Variants in FANCL observed in about 807,000 individuals in gnomAD.
The protein encoded by FANCL is FA complementation group L, also known as E3 ubiquitin-protein ligase FANCL.
In FANCL, 69 loss-of-function variants were observed where a neutral mutation model predicts 59.4. The observed-to-expected ratio is 1.16, with a 90% CI of 0.96 to 1.42. The LOEUF is 1.42. Ranked by LOEUF, FANCL falls within the 40% of genes most tolerant of loss-of-function variation. The pLI is 0.00. For missense variants in FANCL, 519 were observed against 447.2 expected, an observed-to-expected ratio of 1.16 and a Z score of -1.45; for synonymous variants, 180 against 147.1, an observed-to-expected ratio of 1.22 and a Z score of -1.62.
chr2:58,202,464 T>G (rs1690138662), intron 6 of FANCL, among the ~76,000 whole-genome samples: 1 of 151,658 alleles, frequency 6.6e-6, no homozygotes, highest in South Asian at 2.1e-4. Context: ...AAATAAAGAT[T>G]CTAATAAATC....
Position 58,241,271 on chromosome 2 carries a change from G to A in FANCL, c.43C>T (p.Leu15Phe), listed in dbSNP as rs2104082225. Residue 15 changes from leucine to phenylalanine, a missense_variant, in exon 1 of 14, where the codon CTT (leucine) becomes TTT (phenylalanine). Transcript: ENST00000233741. ...EASLLRQCPL[L>F]LPQNRSKTVY... is the part of the protein sequence containing the mutation. The stretch of plus-strand genomic sequence containing the variant: ...GTTTTCGACCGGTTCTGGGGCAGAA[G>A]CAGGGGGCACTGGCGCAACAGGCTC... The A allele has an allele frequency of 6.2e-7, 1 of 1,614,270 alleles. No individual in the cohort carries two copies. The highest frequency in any genetic ancestry group is 8.5e-7 in the Non-Finnish European group (1 of 1,180,048).
At chr2:58,230,551 C>G in intron 2 of FANCL, among the ~76,000 whole-genome samples, 1 of 152,090 alleles carries the variant, frequency 6.6e-6, no homozygotes, top group Admixed American at 6.6e-5. Flanking sequence ...TGTTGTGCTC[C>G]CGATACTATT....
chr2:58,239,985 T>C (rs1163190714), intron 1 of FANCL, among the ~76,000 whole-genome samples: 3 of 152,142 alleles, frequency 2.0e-5, no homozygotes, highest in African/African-American at 4.8e-5. Context: ...GCTATAGCAA[T>C]GGTCATAAAA....
rs60102555 is a variant in FANCL, at chr2:58,166,830, T to G, written c.541-956A>C. Among the ~76,000 whole-genome samples the G allele has an allele frequency of 3.1e-3, 467 of 152,334 alleles. 4 individuals are homozygous for G. The highest frequency in any genetic ancestry group is 0.011 in the African/African-American group (457 of 41,584). ...ATACTTAAGGAAAACCCATCCCATT[T>G]TGTCACTTCAGTCAAGGTTTACACT... On this transcript the variant is annotated intron_variant, in intron 7 of 13. Transcript: ENST00000233741.
At chr2:58,179,621 C>T (rs1483901359) in intron 7 of FANCL, among the ~76,000 whole-genome samples, 1 of 152,106 alleles carries the variant, frequency 6.6e-6, no homozygotes, top group Non-Finnish European at 1.5e-5. Context: ...AGACCTAAAA[C>T]CATAAAAACC....
chr2:58,199,578 AT>A (rs1024823644), intron 6 of FANCL, among the ~76,000 whole-genome samples: 1 of 152,160 alleles, frequency 6.6e-6, no homozygotes, highest in Non-Finnish European at 1.5e-5. Context: ...ATACAAAATT[AT>A]TTCTTCAACT....
intron 5 of FANCL, among the ~76,000 whole-genome samples, chr2:58,219,370 AAAAC>A (rs1692247897): frequency 6.6e-6 from 1 of 151,234 alleles, no homozygotes; most frequent in African/African-American, 2.4e-5. Flanking sequence ...AATGACTGAA[AAAAC>A]AAATAAATGA....
At chr2:58,172,252 T>G (rs561665886) in intron 7 of FANCL, among the ~76,000 whole-genome samples, 5 of 152,322 alleles carry the variant, frequency 3.3e-5, no homozygotes, top group African/African-American at 1.2e-4. Context: ...GAGCAGTGGT[T>G]CTCTCAGCAC....
At chr2:58,217,415 G>GC (rs1553453309) in intron 5 of FANCL, among the ~76,000 whole-genome samples, 3 of 150,296 alleles carry the variant, frequency 2.0e-5, no homozygotes, top group Non-Finnish European at 4.4e-5. Flanking sequence ...GTGGCTGCCA[G>GC]CAAGAAAAAT....
intron 5 of FANCL, among the ~76,000 whole-genome samples, chr2:58,214,094 T>C (rs79724076): frequency 0.026 from 4,008 of 152,222 alleles, 199 homozygotes; most frequent in African/African-American, 0.092. Flanking sequence ...AGAAATTAAA[T>C]AAGAATACAT....
intron 11 of FANCL, 105 bp from the exon 12 acceptor site, chr2:58,161,743 T>C (rs1289745961): frequency 4.1e-6 from 3 of 732,120 alleles, no homozygotes; most frequent in Non-Finnish European, 7.4e-6. Flanking sequence ...TATACAGTGT[T>C]TAATGATGAC....
At chr2:58,228,672 A>G (rs1242792933) in intron 3 of FANCL, among the ~76,000 whole-genome samples, 3 of 152,226 alleles carry the variant, frequency 2.0e-5, no homozygotes, top group Non-Finnish European at 2.9e-5. Flanking sequence ...TCCCTGGCCC[A>G]TATTTACTAA....
chr2:58,196,940 A>AT (rs1324488914), intron 7 of FANCL, among the ~76,000 whole-genome samples: 1 of 152,034 alleles, frequency 6.6e-6, no homozygotes, highest in East Asian at 1.9e-4. Flanking sequence ...GAAAATGTGT[A>AT]TTTTAAAAAA....
At chr2:58,239,125 T>C (rs1251509655) in intron 1 of FANCL, among the ~76,000 whole-genome samples, 1 of 152,132 alleles carries the variant, frequency 6.6e-6, no homozygotes, top group South Asian at 2.1e-4. Flanking sequence ...ACCGTGATAG[T>C]AATAGTCGAC....
chr2:58,241,212 G>C lies in FANCL; in HGVS notation c.96+6C>G, dbSNP rs544743506. The C allele has an allele frequency of 8.1e-6, 13 of 1,614,112 alleles. No homozygotes were observed. The highest frequency in any genetic ancestry group is 2.7e-5 in the African/African-American group (2 of 75,080). The stretch of plus-strand genomic sequence containing the variant: ...CTTAGCTAGAAAGCAACCACTGGGC[G>C]GGTACCTGAGCCGAGATGAATCCCT... On this transcript the variant is annotated splice_donor_region_variant and intron_variant, in intron 1 of 13. Transcript: ENST00000233741.
At chr2:58,231,689 C>G (rs1693592109) in intron 2 of FANCL, among the ~76,000 whole-genome samples, 1 of 152,126 alleles carries the variant, frequency 6.6e-6, no homozygotes. Flanking sequence ...TGATGTGACT[C>G]TTCTCATATA....
intron 6 of FANCL, among the ~76,000 whole-genome samples, chr2:58,200,383 A>G (rs978972797): frequency 6.6e-6 from 1 of 152,074 alleles, no homozygotes; most frequent in African/African-American, 2.4e-5. Flanking sequence ...AAACTCAACT[A>G]GAAGTGTTAC....
chr2:58,206,403 T>C (rs1312907508), intron 5 of FANCL, among the ~76,000 whole-genome samples: 1 of 151,958 alleles, frequency 6.6e-6, no homozygotes, highest in Admixed American at 6.6e-5. Context: ...GGATAGAAAA[T>C]AATATGGGAG....
chr2:58,165,908 G>A, intron 7 of FANCL, 34 bp from the exon 8 acceptor site: 2 of 1,598,620 alleles, frequency 1.3e-6, no homozygotes, highest in Non-Finnish European at 1.7e-6. Flanking sequence ...TAAGTTATAT[G>A]GTACTCTACC....
Sources: allele counts gnomAD v4.1 joint callset (sites outside exome capture counted in the v4.1 genomes callset), GRCh38; gene constraint gnomAD v4.1.1; transcripts MANE v1.5; gene names NCBI Gene and HGNC (gene_info 2026-07-23, HGNC 2026-07-21).